The following OTUD7A variants were observed in gnomAD, a reference collection of about 807,000 sequenced individuals.
OTUD7A encodes OTU domain-containing protein 7A.
OTUD7A carries 12 observed loss-of-function variants against 65.7 expected under a neutral mutation model. That is an observed-to-expected ratio of 0.18 (90% CI 0.12 to 0.30). OTUD7A has a LOEUF of 0.30. Ranked by LOEUF, OTUD7A falls within the 10% of genes least tolerant of loss-of-function variation. The pLI is 1.00. For synonymous variants in OTUD7A, 641 were observed against 586.3 expected (o/e 1.09, Z -1.35); for missense variants, 1,148 against 1,304.8 (o/e 0.88, Z 1.85).
At chr15:31,699,084 T>C (rs1166753835) in intron 1 of OTUD7A, among the ~76,000 whole-genome samples, 1 of 146,402 alleles carries the variant, frequency 6.8e-6, no homozygotes, top group Non-Finnish European at 1.5e-5. Context: ...ATTAATACTT[T>C]TTTTTTTTTT....
At chr15:31,516,507 A>G (rs997827666) in intron 8 of OTUD7A, among the ~76,000 whole-genome samples, 11 of 152,248 alleles carry the variant, frequency 7.2e-5, no homozygotes, top group South Asian at 2.1e-4. Context: ...TCCTGGTTCT[A>G]TACCAGGAGC....
intron 1 of OTUD7A, among the ~76,000 whole-genome samples, chr15:31,657,359 TTTTC>T (rs1441687354): frequency 1.3e-5 from 2 of 150,350 alleles, no homozygotes; most frequent in Admixed American, 6.6e-5. Context: ...TCCTTTTCCT[TTTTC>T]TTTTTTTTTT....
At chr15:31,749,241 C>T (rs1894562786) in intron 1 of OTUD7A, among the ~76,000 whole-genome samples, 1 of 152,116 alleles carries the variant, frequency 6.6e-6, no homozygotes, top group Admixed American at 6.5e-5. Flanking sequence ...ACATATGTAA[C>T]TAACCTGCAC....
intron 1 of OTUD7A, among the ~76,000 whole-genome samples, chr15:31,710,457 T>C (rs1368559427): frequency 1.3e-5 from 2 of 151,538 alleles, no homozygotes; most frequent in East Asian, 1.9e-4. Flanking sequence ...CGCACGGCCA[T>C]GGGAATACCT....
intron 10 of OTUD7A, among the ~76,000 whole-genome samples, chr15:31,497,958 G>A (rs539628293): frequency 3.3e-4 from 50 of 152,346 alleles, no homozygotes; most frequent in African/African-American, 1.2e-3. Flanking sequence ...AAGGTGGGGT[G>A]CAGACCTAGG....
intron 1 of OTUD7A, among the ~76,000 whole-genome samples, chr15:31,667,946 C>T (rs1440732826): frequency 6.6e-6 from 1 of 152,134 alleles, no homozygotes; most frequent in Non-Finnish European, 1.5e-5. Context: ...AAAATGGTTT[C>T]ATTTGAGGAT....
At chr15:31,510,362 A>T (rs1295684435) in intron 8 of OTUD7A, among the ~76,000 whole-genome samples, 1 of 148,870 alleles carries the variant, frequency 6.7e-6, no homozygotes, top group Non-Finnish European at 1.5e-5. Context: ...GTCTGGCGTC[A>T]TGCTTGGTGT....
chr15:31,806,608 T>C (rs1896276664), intron 1 of OTUD7A, among the ~76,000 whole-genome samples: 1 of 152,216 alleles, frequency 6.6e-6, no homozygotes, highest in Non-Finnish European at 1.5e-5. Flanking sequence ...CTGCTGGTCC[T>C]GGGGGTCAAA....
chr15:31,586,939 A>C (rs4779898), intron 3 of OTUD7A, among the ~76,000 whole-genome samples: 1 of 151,590 alleles, frequency 6.6e-6, no homozygotes, highest in Admixed American at 6.6e-5. Flanking sequence ...TTCTCCACCC[A>C]CATTGCCCGC....
chr15:31,823,519 A>C (rs985085054), intron 1 of OTUD7A, among the ~76,000 whole-genome samples: 2 of 152,264 alleles, frequency 1.3e-5, no homozygotes. Context: ...GAGAGTCGCC[A>C]TATCTGTTAC....
chr15:31,637,541 T>G (rs1182494157), intron 3 of OTUD7A, among the ~76,000 whole-genome samples: 1 of 152,210 alleles, frequency 6.6e-6, no homozygotes, highest in East Asian at 1.9e-4. Context: ...AATTTTGACT[T>G]GCAACTCTTA....
chr15:31,701,665 GC>G (rs1566979909), intron 1 of OTUD7A, among the ~76,000 whole-genome samples: 3 of 150,568 alleles, frequency 2.0e-5, no homozygotes, highest in Non-Finnish European at 3.0e-5. Context: ...GAATTTAAAA[GC>G]CTCCTCCAAA....
intron 5 of OTUD7A, among the ~76,000 whole-genome samples, chr15:31,538,266 A>G (rs970413172): frequency 6.6e-6 from 1 of 152,172 alleles, no homozygotes. Context: ...TGGGGAGAGA[A>G]GAGCAGGGTG....
chr15:31,688,176 A>T (rs967804107), intron 1 of OTUD7A, among the ~76,000 whole-genome samples: 7 of 150,904 alleles, frequency 4.6e-5, no homozygotes, highest in Non-Finnish European at 8.8e-5. Flanking sequence ...AGATCGTGCC[A>T]CTGCACTCCA....
At chr15:31,710,942 T>G (rs1194363291) in intron 1 of OTUD7A, among the ~76,000 whole-genome samples, 1 of 152,058 alleles carries the variant, frequency 6.6e-6, no homozygotes, top group African/African-American at 2.4e-5. Context: ...GCCGTGCGGC[T>G]GGGTGAAATT....
At chr15:31,513,485 T>G (rs2041792862) in intron 8 of OTUD7A, among the ~76,000 whole-genome samples, 1 of 152,230 alleles carries the variant, frequency 6.6e-6, no homozygotes, top group South Asian at 2.1e-4. Flanking sequence ...AGGTGCTGCA[T>G]TCAGCGGTGG....
intron 1 of OTUD7A, among the ~76,000 whole-genome samples, chr15:31,795,015 A>T (rs2140941547): frequency 6.6e-6 from 1 of 152,358 alleles, no homozygotes; most frequent in African/African-American, 2.4e-5. Context: ...TGCGGCTATA[A>T]ATCTTTTAAA....
chr15:31,699,110 C>T (rs1222218670), intron 1 of OTUD7A, among the ~76,000 whole-genome samples: 8 of 146,178 alleles, frequency 5.5e-5, no homozygotes, highest in Non-Finnish European at 1.2e-4. Flanking sequence ...GATGGAGTCT[C>T]GCTTTGCCAC....
intron 3 of OTUD7A, among the ~76,000 whole-genome samples, chr15:31,638,378 CTTT>C (rs34239466): frequency 0.19 from 25,767 of 134,278 alleles, 2,309 homozygotes; most frequent in East Asian, 0.24. Context: ...ATAAAGATAA[CTTT>C]TTTTTTTTTT....
Sources: allele counts gnomAD v4.1 joint callset (sites outside exome capture counted in the v4.1 genomes callset), GRCh38; gene constraint gnomAD v4.1.1; transcripts MANE v1.5; gene names NCBI Gene and HGNC (gene_info 2026-07-23, HGNC 2026-07-21).